Variants in SYNJ1 observed in about 807,000 individuals in gnomAD.
The protein encoded by SYNJ1 is synaptojanin 1.
Under a neutral mutation model 168.2 loss-of-function variants are expected in SYNJ1, and 78 were observed. That is an observed-to-expected ratio of 0.46 (90% CI 0.39 to 0.56). SYNJ1 has a LOEUF of 0.56. Among genes scored for constraint, SYNJ1 ranks in the 20% least tolerant of loss-of-function variants. The probability of loss-of-function intolerance (pLI) is 0.00; values close to 1 mark genes in which losing one functional copy is unlikely to be tolerated. For synonymous variants in SYNJ1, 539 were observed against 548.6 expected, an observed-to-expected ratio of 0.98 and a Z score of 0.24; for missense variants, 1,303 against 1,597.6, an observed-to-expected ratio of 0.82 and a Z score of 3.14.
chr21:32,694,982 A>C, intron 5 of SYNJ1, 75 bp downstream of exon 5: 2 of 1,359,348 alleles, frequency 1.5e-6, no homozygotes, highest in Non-Finnish European at 2.0e-6. Context: ...GAATCAAATA[A>C]AAATCTGTTA....
chr21:32,714,681 G>C (rs1369294689), intron 2 of SYNJ1, among the ~76,000 whole-genome samples: 1 of 152,182 alleles, frequency 6.6e-6, no homozygotes, highest in Non-Finnish European at 1.5e-5. Flanking sequence ...AGGATATGCA[G>C]TGGTTGGTAA....
intron 5 of SYNJ1, 112 bp from the exon 6 acceptor site, chr21:32,694,423 A>C: frequency 1.3e-6 from 1 of 773,400 alleles, no homozygotes; most frequent in Non-Finnish European, 1.9e-6. Context: ...TTTATGATCT[A>C]ACTCTCATAT....
At chr21:32,641,867 C>A in intron 29 of SYNJ1, 29 bp downstream of exon 29, 1 of 1,561,554 alleles carries the variant, frequency 6.4e-7, no homozygotes, top group East Asian at 2.3e-5. Flanking sequence ...GAACCGAGAC[C>A]CCTTGGCCCC....
At chr21:32,711,505 G>C (rs1200531244) in intron 2 of SYNJ1, among the ~76,000 whole-genome samples, 1 of 152,010 alleles carries the variant, frequency 6.6e-6, no homozygotes, top group Non-Finnish European at 1.5e-5. Flanking sequence ...GCTAATTTTT[G>C]TATTTTTAGT....
chr21:32,694,463 G>C (rs1341299321), intron 5 of SYNJ1, 152 bp from the exon 6 acceptor site: 9 of 513,940 alleles, frequency 1.8e-5, no homozygotes, highest in Non-Finnish European at 2.8e-5. Context: ...CACTATACAG[G>C]TTTGACTTTT....
chr21:32,657,926 T>C, intron 18 of SYNJ1, 54 bp from the exon 19 acceptor site: 2 of 1,446,566 alleles, frequency 1.4e-6, no homozygotes, highest in Non-Finnish European at 1.9e-6. Flanking sequence ...AAGTTCTGTT[T>C]TCATTCAGAC....
chr21:32,712,241 C>T (rs1311598445), intron 2 of SYNJ1, among the ~76,000 whole-genome samples: 1 of 152,154 alleles, frequency 6.6e-6, no homozygotes, highest in Non-Finnish European at 1.5e-5. Flanking sequence ...TTGTGGTGAG[C>T]TTATTTGCAT....
chr21:32,713,842 C>T (rs1353283731), intron 2 of SYNJ1, among the ~76,000 whole-genome samples: 2 of 152,328 alleles, frequency 1.3e-5, no homozygotes, highest in Non-Finnish European at 2.9e-5. Context: ...CAGAGAATGA[C>T]TCCATTTATG....
At chr21:32,699,046 C>T (rs1225193207) in intron 4 of SYNJ1, among the ~76,000 whole-genome samples, 4 of 152,090 alleles carry the variant, frequency 2.6e-5, no homozygotes, top group Non-Finnish European at 5.9e-5. Context: ...TTCAATAAAC[C>T]GACATTGGCT....
rs552071306 is a variant in SYNJ1, at chr21:32,666,192, T to C, written c.1953-57A>G. On this transcript the variant is annotated intron_variant, in intron 16 of 32. Transcript: ENST00000674351. ...TGAAATTTCAAGAGTTCCATGTGCA[T>C]AGGAAATGAGGAATATACATAATCA... 4.7e-5 allele frequency: 73 copies of C among 1,541,436 alleles called. 1 individual carries two copies. In the South Asian group the frequency reaches 7.5e-4, roughly 16 times the overall value.
At chr21:32,683,980 A>T in intron 10 of SYNJ1, 58 bp downstream of exon 10, 1 of 1,450,964 alleles carries the variant, frequency 6.9e-7, no homozygotes, top group Non-Finnish European at 9.7e-7. Context: ...TAAGTATTCA[A>T]AAAGCACTTA....
intron 2 of SYNJ1, among the ~76,000 whole-genome samples, chr21:32,704,730 A>G (rs1005491811): frequency 1.3e-5 from 2 of 152,170 alleles, no homozygotes; most frequent in African/African-American, 4.8e-5. Flanking sequence ...AGGAGGCTAC[A>G]CTGGCAATAG....
intron 3 of SYNJ1, among the ~76,000 whole-genome samples, chr21:32,701,323 C>T (rs2042391882): frequency 6.6e-6 from 1 of 152,142 alleles, no homozygotes; most frequent in Admixed American, 6.5e-5. Flanking sequence ...TTACTAAGTT[C>T]ACCCTTTAGT....
rs768275983 is a variant in SYNJ1 at position 32,646,518 on chromosome 21, G to C, written c.3122C>G (p.Ser1041Cys). Residue 1041 changes from serine to cysteine, a missense_variant, in exon 24 of 33, where the codon TCC becomes TGC. Transcript: ENST00000674351. ...ACTAGTTCGGGGTGAAGAGCTGGGG[G>C]AAGTACCAAGGCCGGAACTTGAAGA... ...QPSSSSGLGT[S>C]PSSSPRTSPC... The C allele has an allele frequency of 9.3e-6, 15 of 1,614,036 alleles. No individual in the cohort carries two copies. The highest frequency in any genetic ancestry group is 1.3e-5 in the Non-Finnish European group (15 of 1,180,008).
In SYNJ1 at chr21:32,630,282, T is replaced by C. The variant is rs565192434; in HGVS notation, c.*1523A>G. The C allele has an allele frequency of 1.3e-5, 2 of 152,112 alleles. No individual in the cohort carries two copies. Among genetic ancestry groups the C allele is most frequent in the Non-Finnish European group, 2.9e-5 (2 of 68,020 alleles). 9.4% of individuals were successfully genotyped at this position (152,112 alleles called of 1,614,324 possible). A position where few individuals can be genotyped will look rare whatever the true frequency, so the allele number is the denominator to read the frequency against. On this transcript the variant is annotated 3_prime_UTR_variant, in exon 33 of 33. Transcript: ENST00000674351. ...ACAAGGTTGTGTGTATTTGAAGGGG[T>C]TGGGTGTGGAACGGTAGAAAATTCT...
chr21:32,657,455 A>G (rs947351575), intron 19 of SYNJ1, among the ~76,000 whole-genome samples: 1 of 152,258 alleles, frequency 6.6e-6, no homozygotes, highest in African/African-American at 2.4e-5. Context: ...AAAAACCTAA[A>G]TTAGCTTCAA....
Position 32,639,793 on chromosome 21 carries a change from A to G in SYNJ1, c.3589-14T>C. On this transcript the variant is annotated splice_polypyrimidine_tract_variant and intron_variant, in intron 29 of 32. Transcript: ENST00000674351. ...AGGAGGAATCGTCTACAGATAGGAA[A>G]CATAACACTTGAGACATTTACTTAC... The G allele has an allele frequency of 6.2e-7, 1 of 1,605,600 alleles. No homozygotes were observed. The highest frequency in any genetic ancestry group is 8.5e-7 in the Non-Finnish European group (1 of 1,172,820).
chr21:32,649,221 A>T (rs1433286810), intron 23 of SYNJ1, among the ~76,000 whole-genome samples: 1 of 152,208 alleles, frequency 6.6e-6, no homozygotes, highest in East Asian at 1.9e-4. Flanking sequence ...CAGCTGTCGA[A>T]TCTCCAGCAC....
chr21:32,678,727 A>G lies in SYNJ1; in HGVS notation c.1428T>C (p.Ile476=). ...GAGTATTTCCCAGTAGCAAAACATC[A>G]ATGGCCTCTTGCTTGGAGCTGTCAA... ...NFFDSSKQEA[I]DVLLLGNTLN... Residue 476 remains isoleucine, a synonymous_variant, in exon 12 of 33, where the codon ATT becomes ATC. Transcript: ENST00000674351. 1.2e-6 allele frequency: 2 copies of G among 1,613,658 alleles called. No individual in the cohort carries two copies. Among genetic ancestry groups the G allele is most frequent in the Non-Finnish European group, 1.7e-6 (2 of 1,179,790 alleles).
Sources: gnomAD v4.1 joint callset for allele counts (sites outside exome capture counted in the v4.1 genomes callset) on GRCh38, gnomAD v4.1.1 for gene constraint, MANE v1.5 for transcripts, NCBI Gene and HGNC (gene_info 2026-07-23, HGNC 2026-07-21) for gene names.